SMYD3: variants seen among roughly 807,000 people sequenced by gnomAD.
SMYD3 encodes the protein histone-lysine N-methyltransferase SMYD3.
In SMYD3, 36 loss-of-function variants were observed where a neutral mutation model predicts 57.7. That is an observed-to-expected ratio of 0.62 (90% CI 0.48 to 0.82). The LOEUF (loss-of-function observed/expected upper bound fraction) is 0.82, where lower values mean the gene tolerates loss of function less well. SMYD3 is among the 40% of genes least tolerant of loss of function. The probability of loss-of-function intolerance (pLI) is 0.00; values close to 1 mark genes in which losing one functional copy is unlikely to be tolerated. For synonymous variants in SMYD3, 211 were observed against 195.0 expected (o/e 1.08, Z -0.68); for missense variants, 515 against 538.8 (o/e 0.96, Z 0.44).
At chr1:245,859,483 T>C (rs141376212) in intron 9 of SMYD3, among the ~76,000 whole-genome samples, 22 of 152,348 alleles carry the variant, frequency 1.4e-4, no homozygotes, top group Middle Eastern at 3.4e-3. Flanking sequence ...ACTTCGCTTT[T>C]TAAAACTGAT....
intron 10 of SMYD3, among the ~76,000 whole-genome samples, chr1:245,797,861 C>T (rs2047615654): frequency 7.4e-6 from 1 of 134,906 alleles, no homozygotes; most frequent in South Asian, 2.5e-4. Flanking sequence ...TGGATCAAGA[C>T]ACCAGCGAGG....
chr1:245,826,712 G>A (rs1230232917), intron 10 of SMYD3, among the ~76,000 whole-genome samples: 1 of 152,190 alleles, frequency 6.6e-6, no homozygotes, highest in Non-Finnish European at 1.5e-5. Flanking sequence ...GTTCCGCATG[G>A]CTGGGGAGGC....
chr1:246,008,467 C>G (rs2059216633), intron 5 of SMYD3, among the ~76,000 whole-genome samples: 1 of 152,222 alleles, frequency 6.6e-6, no homozygotes, highest in African/African-American at 2.4e-5. Context: ...TGGGCTTCCC[C>G]TCCCTCGGCC....
At chr1:246,221,573 C>T (rs924287435) in intron 5 of SMYD3, among the ~76,000 whole-genome samples, 22 of 152,182 alleles carry the variant, frequency 1.4e-4, no homozygotes, top group Admixed American at 6.5e-4. Flanking sequence ...TCCAAGTTTC[C>T]GGGATGTCAC....
At chr1:246,227,956 CTTTTTTTTTTTT>C (rs202246263) in intron 5 of SMYD3, among the ~76,000 whole-genome samples, 3 of 115,576 alleles carry the variant, frequency 2.6e-5, no homozygotes, top group South Asian at 2.6e-4. Flanking sequence ...ATTTTTATTC[CTTTTTTTTTTTT>C]TTTTTTTTTT....
Position 246,434,043 on chromosome 1 carries a change from T to G in SMYD3, c.164+73011A>C, listed in dbSNP as rs113367117. ...GGGAAAGGACCCTCTAGTCAATAAA[T>G]GGTGCTGGGATAGGCTACCTATATG... On this transcript the variant is annotated intron_variant, in intron 1 of 11. Coordinates refer to ENST00000490107, the MANE Select transcript of SMYD3 (RefSeq NM_001167740.2). Among the ~76,000 whole-genome samples the G allele has an allele frequency of 5.8e-3, 877 of 152,302 alleles. 11 individuals carry two copies. The highest frequency in any genetic ancestry group is 9.9e-3 in the Non-Finnish European group (672 of 68,022).
intron 1 of SMYD3, among the ~76,000 whole-genome samples, chr1:246,371,601 T>C (rs1351454857): frequency 2.6e-5 from 4 of 152,228 alleles, no homozygotes; most frequent in Admixed American, 2.6e-4. Flanking sequence ...TTTTAAAAAG[T>C]ACCATGGGTA....
chr1:246,007,994 G>A (rs2059206332), intron 5 of SMYD3, among the ~76,000 whole-genome samples: 1 of 152,162 alleles, frequency 6.6e-6, no homozygotes, highest in Non-Finnish European at 1.5e-5. Context: ...TACACCAAAG[G>A]AAAAGTGTTT....
chr1:245,918,534 A>C lies in SMYD3; in HGVS notation c.703-2894T>G, dbSNP rs72768755. Among the ~76,000 whole-genome samples, 1,053 of 152,306 alleles carry C rather than the reference A, an allele frequency of 6.9e-3. 7 individuals carry two copies. The highest frequency in any genetic ancestry group is 0.011 in the Admixed American group (175 of 15,304). ...ATTTCCTCCATGTTTCTCTTGCTTC[A>C]TGATCTGAAGCCAGGGTTGCCTCTG... is the stretch of plus-strand genomic sequence containing the variant. On this transcript the variant is annotated intron_variant, in intron 7 of 11. Transcript: ENST00000490107.
Position 246,411,020 on chromosome 1 carries a change from C to T in SMYD3, c.165-55926G>A, listed in dbSNP as rs930003883. ...TTCTGTGGGATCGGTGGTGATATCC[C>T]CTTTATTTTTTATTGCATCTATTTG... On this transcript the variant is annotated intron_variant, in intron 1 of 11. Transcript: ENST00000490107. Among the ~76,000 whole-genome samples, 6 of 2,372 alleles carry T rather than the reference C, an allele frequency of 2.5e-3. No homozygotes were observed. The Non-Finnish European group carries it at 0.029, about 12-fold the overall frequency. 1.6% of individuals were successfully genotyped at this position (2,372 alleles called of 152,430 possible). A position where few individuals can be genotyped will look rare whatever the true frequency, so the allele number is the denominator to read the frequency against.
At chr1:246,408,698 C>T (rs1339533035) in intron 1 of SMYD3, among the ~76,000 whole-genome samples, 1 of 105,994 alleles carries the variant, frequency 9.4e-6, no homozygotes, top group Non-Finnish European at 1.7e-5. Flanking sequence ...GAGATGGAGT[C>T]TAGCTCTCTC....
At chr1:246,189,084 A>G (rs1386685010) in intron 5 of SMYD3, 1 of 152,144 alleles carries the variant, frequency 6.6e-6, no homozygotes, top group African/African-American at 2.4e-5. Context: ...TCTCTGTCTC[A>G]TTCTAATTTT....
At chr1:246,409,031 T>C (rs1034232174) in intron 1 of SMYD3, among the ~76,000 whole-genome samples, 2 of 152,196 alleles carry the variant, frequency 1.3e-5, no homozygotes, top group African/African-American at 2.4e-5. Context: ...ATGGGTTTTT[T>C]TTTCTTGTAA....
intron 8 of SMYD3, among the ~76,000 whole-genome samples, chr1:245,883,860 G>C (rs1465374883): frequency 6.6e-6 from 1 of 152,090 alleles, no homozygotes. Flanking sequence ...GGTTGTCGTG[G>C]GAAGCAACAG....
chr1:246,143,228 G>A (rs1229133798), intron 5 of SMYD3, among the ~76,000 whole-genome samples: 1 of 152,050 alleles, frequency 6.6e-6, no homozygotes, highest in Non-Finnish European at 1.5e-5. Flanking sequence ...AAAGGATAGG[G>A]ACTCTTAGTG....
chr1:246,118,284 A>T (rs10127447), intron 5 of SMYD3, among the ~76,000 whole-genome samples: 3 of 151,902 alleles, frequency 2.0e-5, no homozygotes, highest in East Asian at 3.9e-4. Context: ...TTATTCAAAG[A>T]GTGGGAAATA....
At chr1:246,117,799 A>G (rs2061364956) in intron 5 of SMYD3, among the ~76,000 whole-genome samples, 1 of 152,172 alleles carries the variant, frequency 6.6e-6, no homozygotes, top group African/African-American at 2.4e-5. Flanking sequence ...CTTTTATAGT[A>G]AAAACATAAC....
intron 1 of SMYD3, 55 bp downstream of exon 1, chr1:246,506,999 C>CCCCCCCACCCCA: frequency 2.1e-6 from 2 of 972,794 alleles, no homozygotes; most frequent in Non-Finnish European, 2.6e-6. Flanking sequence ...GCCCCCCCCT[C>CCCCCCCACCCCA]CCCAGCACCC....
chr1:245,994,214 C>G (rs983824110), intron 5 of SMYD3, among the ~76,000 whole-genome samples: 1 of 152,264 alleles, frequency 6.6e-6, no homozygotes, highest in East Asian at 1.9e-4. Context: ...CATTCCATTT[C>G]TAAAGCCAGG....
Sources: allele counts gnomAD v4.1 joint callset (sites outside exome capture counted in the v4.1 genomes callset), GRCh38; gene constraint gnomAD v4.1.1; transcripts MANE v1.5; gene names NCBI Gene and HGNC (gene_info 2026-07-23, HGNC 2026-07-21).